ADAMTS12: variants seen among roughly 807,000 people sequenced by gnomAD.
ADAMTS12 encodes the protein A disintegrin and metalloproteinase with thrombospondin motifs 12.
Under a neutral mutation model 167.8 loss-of-function variants are expected in ADAMTS12, and 118 were observed. The ratio of observed to expected loss-of-function variants is 0.70; its 90% CI spans 0.61 to 0.82. The LOEUF is 0.82. Among genes scored for constraint, ADAMTS12 ranks in the 40% least tolerant of loss-of-function variants. The pLI is 0.00. For synonymous variants in ADAMTS12, 704 were observed against 716.9 expected (o/e 0.98, Z 0.29); for missense variants, 1,916 against 1,998.8 (o/e 0.96, Z 0.79).
At chr5:33,837,311 C>T (rs1748568445) in intron 2 of ADAMTS12, among the ~76,000 whole-genome samples, 2 of 152,198 alleles carry the variant, frequency 1.3e-5, no homozygotes, top group African/African-American at 2.4e-5. Context: ...GAGACAGAAT[C>T]GACCAGGCAA....
chr5:33,764,733 C>A (rs1220376222), intron 2 of ADAMTS12, among the ~76,000 whole-genome samples: 1 of 152,018 alleles, frequency 6.6e-6, no homozygotes, highest in East Asian at 1.9e-4. Flanking sequence ...GGGAAATGAG[C>A]TTTAAAATTG....
At chr5:33,817,760 C>T (rs2548037) in intron 2 of ADAMTS12, among the ~76,000 whole-genome samples, 20,199 of 152,032 alleles carry the variant, frequency 0.13, 1,694 homozygotes, top group Non-Finnish European at 0.18. Flanking sequence ...AGAAATTAGC[C>T]ATAATTCTTT....
chr5:33,818,275 T>TC (rs1347105529), intron 2 of ADAMTS12, among the ~76,000 whole-genome samples: 1 of 152,008 alleles, frequency 6.6e-6, no homozygotes, highest in Non-Finnish European at 1.5e-5. Context: ...ATATTTCCTC[T>TC]CCCCCATCCC....
intron 2 of ADAMTS12, among the ~76,000 whole-genome samples, chr5:33,806,376 C>G (rs1747229326): frequency 6.6e-6 from 1 of 152,230 alleles, no homozygotes; most frequent in Non-Finnish European, 1.5e-5. Context: ...GAACACCATT[C>G]ATCATGGCCA....
intron 7 of ADAMTS12, 73 bp from the exon 8 acceptor site, chr5:33,649,770 C>T: frequency 2.6e-6 from 4 of 1,566,430 alleles, no homozygotes; most frequent in Admixed American, 1.8e-5. Flanking sequence ...CATAGTTTCC[C>T]TAAGAGCGTA....
At chr5:33,822,493 T>A (rs952177619) in intron 2 of ADAMTS12, among the ~76,000 whole-genome samples, 1 of 152,290 alleles carries the variant, frequency 6.6e-6, no homozygotes, top group Admixed American at 6.5e-5. Context: ...CTCCATGGTG[T>A]TCTCCAAAAG....
At chr5:33,591,941 C>T (rs886194862) in intron 17 of ADAMTS12, among the ~76,000 whole-genome samples, 3 of 151,936 alleles carry the variant, frequency 2.0e-5, no homozygotes, top group African/African-American at 7.3e-5. Flanking sequence ...GCCCAGTAAG[C>T]CAGGCGCGGT....
chr5:33,637,291 T>C (rs55943381), intron 12 of ADAMTS12, among the ~76,000 whole-genome samples: 81,906 of 152,018 alleles, frequency 0.54, 23,294 homozygotes, highest in Non-Finnish European at 0.62. Context: ...TTCCTACATG[T>C]CCTATTAATG....
intron 3 of ADAMTS12, among the ~76,000 whole-genome samples, chr5:33,725,729 A>G (rs1743958778): frequency 1.3e-5 from 2 of 152,234 alleles, no homozygotes; most frequent in African/African-American, 4.8e-5. Context: ...GTTTGCAATC[A>G]TAGCCACACC....
At chr5:33,749,119 T>TG (rs1038763311) in intron 3 of ADAMTS12, among the ~76,000 whole-genome samples, 1 of 152,204 alleles carries the variant, frequency 6.6e-6, no homozygotes, top group East Asian at 1.9e-4. Flanking sequence ...TTCATCTTCT[T>TG]GGCTATGAAA....
intron 2 of ADAMTS12, among the ~76,000 whole-genome samples, chr5:33,871,379 C>A (rs919763529): frequency 6.6e-6 from 1 of 152,046 alleles, no homozygotes; most frequent in Admixed American, 6.6e-5. Flanking sequence ...ATACCAAAAT[C>A]AGACACAAAC....
chr5:33,604,373 T>C (rs1303193507), intron 16 of ADAMTS12, among the ~76,000 whole-genome samples: 1 of 152,078 alleles, frequency 6.6e-6, no homozygotes, highest in Non-Finnish European at 1.5e-5. Flanking sequence ...TGGTGGCGCA[T>C]GCCTGTAATC....
chr5:33,685,947 G>A (rs1273076990), intron 3 of ADAMTS12, among the ~76,000 whole-genome samples: 2 of 152,132 alleles, frequency 1.3e-5, no homozygotes, highest in Non-Finnish European at 2.9e-5. Flanking sequence ...CTCTGTGTAA[G>A]CCAAGCAGCC....
At chr5:33,547,281 G>GTGTTTGTTAGAAATGCAAAATT (rs1745031147) in intron 21 of ADAMTS12, among the ~76,000 whole-genome samples, 1 of 152,096 alleles carries the variant, frequency 6.6e-6, no homozygotes, top group Admixed American at 6.6e-5. Flanking sequence ...CATCTTCTGA[G>GTGTTTGTTAGAAATGCAAAATT]TGTTTGTTAG....
At chr5:33,733,394 G>C (rs1371207576) in intron 3 of ADAMTS12, among the ~76,000 whole-genome samples, 1 of 152,220 alleles carries the variant, frequency 6.6e-6, no homozygotes, top group Non-Finnish European at 1.5e-5. Context: ...GCGTGAGCCT[G>C]AGCAAGTCAG....
intron 22 of ADAMTS12, among the ~76,000 whole-genome samples, chr5:33,536,973 A>G (rs1744446747): frequency 6.6e-6 from 1 of 152,226 alleles, no homozygotes; most frequent in African/African-American, 2.4e-5. Context: ...TAGTCCTGAA[A>G]TATATCCAGG....
At chr5:33,834,549 C>T (rs908194277) in intron 2 of ADAMTS12, among the ~76,000 whole-genome samples, 1 of 152,162 alleles carries the variant, frequency 6.6e-6, no homozygotes, top group Non-Finnish European at 1.5e-5. Context: ...ACCCATGACC[C>T]TCTATGAACT....
intron 2 of ADAMTS12, among the ~76,000 whole-genome samples, chr5:33,844,091 G>T (rs1748850947): frequency 1.3e-5 from 2 of 151,814 alleles, no homozygotes. Flanking sequence ...ATACCCTTGT[G>T]ATTTCCTATG....
intron 2 of ADAMTS12, among the ~76,000 whole-genome samples, chr5:33,816,074 G>A (rs1747640819): frequency 6.6e-6 from 1 of 152,200 alleles, no homozygotes. Flanking sequence ...GAGCAAGTCA[G>A]TGGGCCTCCC....
Sources: allele counts gnomAD v4.1 joint callset (sites outside exome capture counted in the v4.1 genomes callset), GRCh38; gene constraint gnomAD v4.1.1; transcripts MANE v1.5; gene names NCBI Gene and HGNC (gene_info 2026-07-23, HGNC 2026-07-21).